The following SPOCK1 variants were observed in gnomAD, a reference collection of about 807,000 sequenced individuals.
SPOCK1 encodes testican-1.
SPOCK1 carries 23 observed loss-of-function variants against 55.3 expected under a neutral mutation model. The ratio of observed to expected loss-of-function variants is 0.42; its 90% CI spans 0.30 to 0.59. The LOEUF is 0.59. Among genes scored for constraint, SPOCK1 ranks in the 20% least tolerant of loss-of-function variants. The pLI is 0.22. For missense variants in SPOCK1, 499 were observed against 552.5 expected (o/e 0.90, Z 0.97); for synonymous variants, 226 against 221.0 (o/e 1.02, Z -0.20).
At chr5:137,211,410 T>C (rs932129344) in intron 3 of SPOCK1, among the ~76,000 whole-genome samples, 2 of 152,228 alleles carry the variant, frequency 1.3e-5, no homozygotes, top group Non-Finnish European at 2.9e-5. Context: ...ACATATTTGG[T>C]CTCGGCCCCT....
chr5:137,260,130 A>T (rs1474133683), intron 3 of SPOCK1, among the ~76,000 whole-genome samples: 1 of 152,242 alleles, frequency 6.6e-6, no homozygotes, highest in Non-Finnish European at 1.5e-5. Context: ...ACTAAAGTCC[A>T]GAAAGGACAT....
intron 2 of SPOCK1, among the ~76,000 whole-genome samples, chr5:137,449,546 C>T (rs1753205629): frequency 6.6e-6 from 1 of 152,142 alleles, no homozygotes; most frequent in African/African-American, 2.4e-5. Flanking sequence ...TCTTGCCTCT[C>T]TAAGTCCCAG....
At chr5:137,447,902 T>C (rs1753163548) in intron 2 of SPOCK1, among the ~76,000 whole-genome samples, 3 of 152,318 alleles carry the variant, frequency 2.0e-5, no homozygotes, top group Middle Eastern at 6.8e-3. Context: ...TGGCTTTCCA[T>C]AATATTACCA....
intron 3 of SPOCK1, among the ~76,000 whole-genome samples, chr5:137,177,770 G>T (rs541957054): frequency 9.9e-5 from 15 of 151,998 alleles, no homozygotes; most frequent in South Asian, 2.1e-4. Context: ...AAATGTCTTT[G>T]GTGTGATCCA....
At chr5:136,982,624 C>G (rs2126958461) in intron 9 of SPOCK1, among the ~76,000 whole-genome samples, 1 of 151,790 alleles carries the variant, frequency 6.6e-6, no homozygotes, top group East Asian at 1.9e-4. Context: ...TTTTCATGAA[C>G]AAACTAGAAG....
chr5:137,448,054 A>C (rs894995236), intron 2 of SPOCK1, among the ~76,000 whole-genome samples: 4 of 152,102 alleles, frequency 2.6e-5, no homozygotes, highest in Non-Finnish European at 4.4e-5. Flanking sequence ...TCGAGACCAG[A>C]CTGGCCACCA....
chr5:137,031,440 GA>G (rs577147882), intron 6 of SPOCK1, among the ~76,000 whole-genome samples: 74 of 152,274 alleles, frequency 4.9e-4, no homozygotes, highest in African/African-American at 1.7e-3. Context: ...CCCCCAATGG[GA>G]AAACCTAGCA....
intron 3 of SPOCK1, among the ~76,000 whole-genome samples, chr5:137,233,308 T>A (rs1005082877): frequency 3.3e-5 from 5 of 152,180 alleles, no homozygotes; most frequent in African/African-American, 1.2e-4. Flanking sequence ...AATGGTTCCA[T>A]CTGGGGATGA....
chr5:136,979,639 T>A, intron 9 of SPOCK1, 170 bp from the exon 10 acceptor site: 1 of 729,664 alleles, frequency 1.4e-6, no homozygotes, highest in Non-Finnish European at 2.2e-6. Context: ...CCTTAACCTT[T>A]AGAGGCCCAA....
intron 2 of SPOCK1, among the ~76,000 whole-genome samples, chr5:137,288,483 C>T (rs1757307864): frequency 6.6e-6 from 1 of 152,218 alleles, no homozygotes; most frequent in Non-Finnish European, 1.5e-5. Context: ...TCACTCTCTA[C>T]TTTGAATCCC....
chr5:137,423,276 G>T (rs555106943), intron 2 of SPOCK1, among the ~76,000 whole-genome samples: 1 of 152,194 alleles, frequency 6.6e-6, no homozygotes, highest in Non-Finnish European at 1.5e-5. Flanking sequence ...CAGATCTCCA[G>T]CTGCATTCTG....
In SPOCK1 at chr5:137,023,715, A is replaced by AG. The variant is rs201536308; in HGVS notation, c.590-31116dup. ...TGTTCGATACCCTAATTATCACGAG[A>AG]GGAAATGCCAATTCTTTGTCAGCCT... On this transcript the variant is annotated intron_variant, in intron 6 of 10. Transcript: ENST00000394945. Among the ~76,000 whole-genome samples, 3 of 149,968 alleles carry AG rather than the reference A, an allele frequency of 2.0e-5. No homozygotes were observed. The East Asian group carries it at 5.9e-4, about 30-fold the overall frequency.
rs143921381 is a variant in SPOCK1, at chr5:137,413,467, T to C, written c.186+84906A>G. 6.8e-3 allele frequency among the ~76,000 whole-genome samples: 1,038 copies of C among 152,342 alleles called. 8 individuals are homozygous for C. The highest frequency in any genetic ancestry group is 0.024 in the South Asian group (116 of 4,830). ...TAATAATAAGCAGATAATTAACAGCTGAGTGGATAGATGAATGGGATTTCT... is the reference window on the plus strand; with the variant it reads ...TAATAATAAGCAGATAATTAACAGCCGAGTGGATAGATGAATGGGATTTCT... On this transcript the variant is annotated intron_variant, in intron 2 of 10. Coordinates refer to ENST00000394945, the MANE Select transcript of SPOCK1 (RefSeq NM_004598.4).
At chr5:137,040,630 G>C (rs992459285) in intron 6 of SPOCK1, among the ~76,000 whole-genome samples, 14 of 152,192 alleles carry the variant, frequency 9.2e-5, no homozygotes, top group Non-Finnish European at 4.4e-5. Context: ...TGCTTCTTTT[G>C]TTTCTGTATG....
At chr5:137,391,050 C>T (rs1751711907) in intron 2 of SPOCK1, among the ~76,000 whole-genome samples, 1 of 152,076 alleles carries the variant, frequency 6.6e-6, no homozygotes, top group Non-Finnish European at 1.5e-5. Context: ...AATGCCCTCC[C>T]TCCCCTTGCC....
chr5:137,247,445 T>G (rs1756417818), intron 3 of SPOCK1, among the ~76,000 whole-genome samples: 1 of 152,214 alleles, frequency 6.6e-6, no homozygotes, highest in Non-Finnish European at 1.5e-5. Context: ...ATTATGGAAT[T>G]AATGCAAATT....
intron 2 of SPOCK1, among the ~76,000 whole-genome samples, chr5:137,321,116 G>C (rs1379925232): frequency 6.6e-6 from 1 of 150,770 alleles, no homozygotes; most frequent in East Asian, 1.9e-4. Context: ...TAATTCAAGA[G>C]CAGAACTGTT....
At chr5:137,371,430 C>A (rs541326940) in intron 2 of SPOCK1, among the ~76,000 whole-genome samples, 1 of 152,282 alleles carries the variant, frequency 6.6e-6, no homozygotes, top group South Asian at 2.1e-4. Context: ...TTCATGAAAA[C>A]CTGATTTTTC....
intron 3 of SPOCK1, 29 bp from the exon 4 acceptor site, chr5:137,140,723 G>T: frequency 1.1e-5 from 12 of 1,139,154 alleles, no homozygotes; most frequent in Non-Finnish European, 1.4e-5. Context: ...GGAGGGCAGG[G>T]TTTAGGACCT....
Sources: allele counts gnomAD v4.1 joint callset (sites outside exome capture counted in the v4.1 genomes callset), GRCh38; gene constraint gnomAD v4.1.1; transcripts MANE v1.5; gene names NCBI Gene and HGNC (gene_info 2026-07-23, HGNC 2026-07-21).